The following ANKRD28 variants were observed in gnomAD, a reference collection of about 807,000 sequenced individuals.
ANKRD28 encodes serine/threonine-protein phosphatase 6 regulatory ankyrin repeat subunit A.
In ANKRD28, 44 loss-of-function variants were observed where a neutral mutation model predicts 126.5. That is an observed-to-expected ratio of 0.35 (90% CI 0.27 to 0.45). The LOEUF is 0.45. ANKRD28 is among the 20% of genes least tolerant of loss of function. The probability of loss-of-function intolerance (pLI) is 1.00; values close to 1 mark genes in which losing one functional copy is unlikely to be tolerated. For synonymous variants in ANKRD28, 442 were observed against 468.5 expected (o/e 0.94, Z 0.73); for missense variants, 1,110 against 1,316.6 (o/e 0.84, Z 2.43).
At chr3:15,852,648 A>T (rs6772168) in intron 1 of ANKRD28, among the ~76,000 whole-genome samples, 21,154 of 151,442 alleles carry the variant, frequency 0.14, 2,142 homozygotes, top group East Asian at 0.58. Flanking sequence ...CCTGGCTAAC[A>T]CGGTGAAACC....
intron 6 of ANKRD28, among the ~76,000 whole-genome samples, chr3:15,730,842 C>T (rs2074538407): frequency 6.6e-6 from 1 of 152,122 alleles, no homozygotes; most frequent in African/African-American, 2.4e-5. Context: ...GAAGTGTAAT[C>T]CCCAAGGCAA....
intron 1 of ANKRD28, among the ~76,000 whole-genome samples, chr3:15,855,106 G>A (rs1469995925): frequency 6.6e-6 from 1 of 152,094 alleles, no homozygotes; most frequent in Non-Finnish European, 1.5e-5. Context: ...TAGAGTACCT[G>A]AATATCTGGG....
intron 14 of ANKRD28, among the ~76,000 whole-genome samples, chr3:15,701,957 C>G (rs2070694629): frequency 6.6e-6 from 1 of 151,010 alleles, no homozygotes; most frequent in Non-Finnish European, 1.5e-5. Flanking sequence ...AATCTTTAAT[C>G]AAGTTCTCTA....
chr3:15,763,202 C>A (rs763920083), intron 3 of ANKRD28, among the ~76,000 whole-genome samples: 5 of 152,202 alleles, frequency 3.3e-5, no homozygotes, highest in African/African-American at 1.2e-4. Flanking sequence ...AGAAAAAAGT[C>A]TAAGACCCTG....
intron 1 of ANKRD28, among the ~76,000 whole-genome samples, chr3:15,819,186 G>C (rs192208694): frequency 6.6e-6 from 1 of 152,190 alleles, no homozygotes; most frequent in Non-Finnish European, 1.5e-5. Flanking sequence ...GCTGAGGTGG[G>C]AGGATTGCTT....
intron 24 of ANKRD28, 134 bp from the exon 25 acceptor site, chr3:15,677,696 G>A (rs1337488581): frequency 1.8e-6 from 1 of 548,174 alleles, no homozygotes; most frequent in African/African-American, 1.9e-5. Context: ...GAAAAATATT[G>A]TAATATATAA....
At chr3:15,783,306 CA>C (rs2059621316) in intron 2 of ANKRD28, among the ~76,000 whole-genome samples, 1 of 151,690 alleles carries the variant, frequency 6.6e-6, no homozygotes, top group Non-Finnish European at 1.5e-5. Context: ...TACAGAAATA[CA>C]AATTAAGACC....
intron 4 of ANKRD28, among the ~76,000 whole-genome samples, chr3:15,740,524 T>A (rs2075376767): frequency 6.6e-6 from 1 of 152,146 alleles, no homozygotes; most frequent in African/African-American, 2.4e-5. Flanking sequence ...TAACACTATA[T>A]TGGGAAATGT....
chr3:15,850,054 C>T (rs1325068324), intron 1 of ANKRD28, among the ~76,000 whole-genome samples: 1 of 151,516 alleles, frequency 6.6e-6, no homozygotes, highest in East Asian at 1.9e-4. Flanking sequence ...ACCAATGGAA[C>T]AGAACTGAGA....
chr3:15,731,500 T>A (rs1038526248), intron 6 of ANKRD28, among the ~76,000 whole-genome samples: 2 of 152,108 alleles, frequency 1.3e-5, no homozygotes, highest in Admixed American at 1.3e-4. Flanking sequence ...AAAGGGACCT[T>A]AAGATGCAAT....
intron 8 of ANKRD28, among the ~76,000 whole-genome samples, chr3:15,715,382 TA>T (rs1376413216): frequency 9.2e-5 from 14 of 152,204 alleles, no homozygotes; most frequent in African/African-American, 2.7e-4. Context: ...ATGTCACAAG[TA>T]TTCTAAGTTT....
At chr3:15,671,850 C>G (rs1273945395) in intron 27 of ANKRD28, among the ~76,000 whole-genome samples, 1 of 151,948 alleles carries the variant, frequency 6.6e-6, no homozygotes, top group Non-Finnish European at 1.5e-5. Flanking sequence ...CTCCCAAATG[C>G]TGGGATTACA....
chr3:15,831,403 G>A (rs1406151953), intron 1 of ANKRD28, among the ~76,000 whole-genome samples: 1 of 152,180 alleles, frequency 6.6e-6, no homozygotes, highest in Non-Finnish European at 1.5e-5. Flanking sequence ...TTGTTTTAGA[G>A]CAGGGATTCT....
At chr3:15,789,889 G>A (rs1178122408) in intron 2 of ANKRD28, among the ~76,000 whole-genome samples, 3 of 151,788 alleles carry the variant, frequency 2.0e-5, no homozygotes, top group Non-Finnish European at 4.4e-5. Flanking sequence ...AAGAAAAAAA[G>A]AGAAGAAGAT....
At chr3:15,701,724 G>A (rs1020131168) in intron 14 of ANKRD28, among the ~76,000 whole-genome samples, 2 of 152,076 alleles carry the variant, frequency 1.3e-5, no homozygotes, top group East Asian at 1.9e-4. Flanking sequence ...TAAAACCCAC[G>A]TCTGGCTCTA....
intron 14 of ANKRD28, among the ~76,000 whole-genome samples, chr3:15,703,541 T>C (rs1232521948): frequency 6.6e-6 from 1 of 152,216 alleles, no homozygotes; most frequent in Non-Finnish European, 1.5e-5. Flanking sequence ...GAATATGCCC[T>C]CAAAGAGGAA....
chr3:15,850,204 A>AAAAAT (rs1486394619), intron 1 of ANKRD28, among the ~76,000 whole-genome samples: 5 of 54,836 alleles, frequency 9.1e-5, no homozygotes, highest in African/African-American at 2.4e-4. Flanking sequence ...AAAAAAAAAA[A>AAAAAT]ATATATATAT....
At chr3:15,785,591 G>A (rs2059740689) in intron 2 of ANKRD28, among the ~76,000 whole-genome samples, 1 of 152,032 alleles carries the variant, frequency 6.6e-6, no homozygotes, top group Non-Finnish European at 1.5e-5. Context: ...TGAAACAATA[G>A]AGACTCTCAT....
intron 3 of ANKRD28, among the ~76,000 whole-genome samples, chr3:15,753,689 C>T (rs2125397265): frequency 6.6e-6 from 1 of 151,730 alleles, no homozygotes; most frequent in Non-Finnish European, 1.5e-5. Flanking sequence ...TGACTGTAAT[C>T]CTAGCACTTT....
Sources: gnomAD v4.1 joint callset for allele counts (sites outside exome capture counted in the v4.1 genomes callset) on GRCh38, gnomAD v4.1.1 for gene constraint, MANE v1.5 for transcripts, NCBI Gene and HGNC (gene_info 2026-07-23, HGNC 2026-07-21) for gene names.